The following MYRF variants were observed in gnomAD, a reference collection of about 807,000 sequenced individuals.
MYRF encodes myelin gene regulatory factor.
MYRF carries 16 observed loss-of-function variants against 126.3 expected under a neutral mutation model. The observed-to-expected ratio is 0.13, with a 90% CI of 0.09 to 0.19. MYRF has a LOEUF of 0.19. Among genes scored for constraint, MYRF ranks in the 10% least tolerant of loss-of-function variants. The pLI, the probability that MYRF is intolerant of heterozygous loss-of-function variation, is 1.00. For missense variants in MYRF, 1,104 were observed against 1,547.0 expected, an observed-to-expected ratio of 0.71 and a Z score of 4.80; for synonymous variants, 608 against 635.3, an observed-to-expected ratio of 0.96 and a Z score of 0.65.
In MYRF at chr11:61,775,936, T is replaced by C. The variant is rs118103571; in HGVS notation, c.1312-120T>C. ...GCTTGTGGGAATCGCGGCTGAGGGC[T>C]GGGTGCTGCCCTGTTTCCTGGTGAG... On this transcript the variant is annotated intron_variant, in intron 8 of 26. Coordinates refer to ENST00000278836, the MANE Select transcript of MYRF (RefSeq NM_001127392.3). The C allele has an allele frequency of 9.6e-4, 855 of 889,560 alleles. 4 individuals are homozygous for C. In the Middle Eastern group the frequency reaches 9.7e-3, roughly 10 times the overall value. The allele number at this position is 889,560 out of a possible 1,614,324, so 55.1% of individuals were successfully genotyped here.
At position 61,757,401 on chromosome 11, in the gene MYRF, C is replaced by T. The variant is rs1215879876; in HGVS notation, c.46+4611C>T. The stretch of plus-strand genomic sequence containing the variant: ...AGTGCAGTTGTAATGGCAGGGCCTC[C>T]GTCCCAGGGTTTCTGGGGTGATTAG... On this transcript the variant is annotated intron_variant, in intron 1 of 26. Coordinates refer to ENST00000278836, the MANE Select transcript of MYRF (RefSeq NM_001127392.3). This position sits in a 1 kb window ranked among gnomAD's most constrained non-coding sequence, Gnocchi z 4.7. 4 of 451,436 alleles carry T rather than the reference C, an allele frequency of 8.9e-6. No homozygotes were observed. In the Admixed American group the frequency reaches 9.4e-5, roughly 11 times the overall value. The allele number at this position is 451,436 out of a possible 1,614,324, so 28.0% of individuals were successfully genotyped here. A position where few individuals can be genotyped will look rare whatever the true frequency, so the allele number is the denominator to read the frequency against.
At chr11:61,771,003 AG>A (rs1427117736) in intron 5 of MYRF, among the ~76,000 whole-genome samples, 2 of 152,232 alleles carry the variant, frequency 1.3e-5, no homozygotes, top group Non-Finnish European at 2.9e-5. Flanking sequence ...TTTAGTTCAA[AG>A]GAAGGTTCTG....
chr11:61,784,353 CCA>C lies in MYRF; in HGVS notation c.3271_3272del (p.Gln1091GlufsTer24). On this transcript the variant is annotated frameshift_variant, in exon 25 of 27. Transcript: ENST00000278836. LOFTEE classifies it high-confidence loss of function. ...KEEPCEEGSLPQSLHTHQDTQ... is the reference protein window; with the variant it reads ...KEEPCEEGSLXQSLHTHQDTQ... ...GGAACCATGTGAGGAGGGGAGCCTT[CCA>C]CAGAGTCTCCACACCCACCAGGACA... The C allele has an allele frequency of 1.2e-6, 2 of 1,613,970 alleles. No individual in the cohort carries two copies. The highest frequency in any genetic ancestry group is 1.7e-6 in the Non-Finnish European group (2 of 1,180,004).
rs756413599 is a variant in MYRF, at chr11:61,781,557, C to G, written c.2765-16C>G. 4 of 1,610,478 alleles carry G rather than the reference C, an allele frequency of 2.5e-6. No individual in the cohort carries two copies. The East Asian group carries it at 6.7e-5, about 27-fold the overall frequency. On this transcript the variant is annotated splice_polypyrimidine_tract_variant and intron_variant, in intron 21 of 26. Transcript: ENST00000278836. Reference sequence around the variant, plus strand: ...CAGCTTCCAGCTTCTTAGCCTGTGCCTGGTTCTATCCACAGGCCCCAGCCA... The same window carrying G: ...CAGCTTCCAGCTTCTTAGCCTGTGCGTGGTTCTATCCACAGGCCCCAGCCA...
Position 61,781,032 on chromosome 11 carries a change from C to G in MYRF, c.2559C>G (p.Pro853=). The change falls in exon 20 of 27, where the codon CCC becomes CCG. Residue 853 remains proline, a synonymous_variant. Transcript: ENST00000278836. ...CCACGGGGCTACCAGGCATACAGCC[C>G]TCTTTGCTGCTGGGTGCGTGTCTGG... ...PLTTGLPGIQ[P]SLLLVTTSLT... 4.3e-6 allele frequency: 7 copies of G among 1,609,910 alleles called. No individual in the cohort carries two copies. Among genetic ancestry groups the G allele is most frequent in the Non-Finnish European group, 5.9e-6 (7 of 1,179,990 alleles).
chr11:61,764,182 G>A (rs545122255), intron 1 of MYRF, among the ~76,000 whole-genome samples: 2 of 152,266 alleles, frequency 1.3e-5, no homozygotes, highest in Admixed American at 1.3e-4. Context: ...GTGACTCCTA[G>A]GAGGGCTTAG....
At position 61,781,505 on chromosome 11, in the gene MYRF, C is replaced by A. The variant is rs925275398; in HGVS notation, c.2765-68C>A. ...TGGGGTTCACTCAGTCTTGTGGGGC[C>A]CTAGAGACAGCTGGACAGGAAGCAG... On this transcript the variant is annotated intron_variant, in intron 21 of 26. Coordinates refer to ENST00000278836, the MANE Select transcript of MYRF (RefSeq NM_001127392.3). 21 of 1,570,866 alleles carry A rather than the reference C, an allele frequency of 1.3e-5. No individual in the cohort carries two copies. The African/African-American group carries it at 2.8e-4, about 21-fold the overall frequency.
chr11:61,766,436 T>C lies in MYRF; in HGVS notation c.398+215T>C, dbSNP rs198467. ...AGGCAGTGGGCAGCCACAAAGCTTCTAAGCATGGGAGTGATGAGGGCTGAC... is the reference window on the plus strand; with the variant it reads ...AGGCAGTGGGCAGCCACAAAGCTTCCAAGCATGGGAGTGATGAGGGCTGAC... On this transcript the variant is annotated intron_variant, in intron 3 of 26. Coordinates refer to ENST00000278836, the MANE Select transcript of MYRF (RefSeq NM_001127392.3). 0.36 allele frequency: 188,553 copies of C among 520,668 alleles called. 39,769 individuals carry two copies. The highest frequency in any genetic ancestry group is 0.46 in the Middle Eastern group (925 of 2,012). The allele number at this position is 520,668 out of a possible 1,614,324, so 32.3% of individuals were successfully genotyped here. A position where few individuals can be genotyped will look rare whatever the true frequency, so the allele number is the denominator to read the frequency against.
rs1466069867 is a variant in MYRF, at chr11:61,783,219, G to A, written c.3017-279G>A. Reference sequence around the variant, plus strand: ...GCAGTCAGGAACACAGGCCTCGAGCGGGCTCCTGCACACCTGGCAGGGGAT... The same window carrying A: ...GCAGTCAGGAACACAGGCCTCGAGCAGGCTCCTGCACACCTGGCAGGGGAT... On this transcript the variant is annotated intron_variant, in intron 22 of 26. Coordinates refer to ENST00000278836, the MANE Select transcript of MYRF (RefSeq NM_001127392.3). The surrounding 1 kb of genome is among the most constrained non-coding windows in gnomAD (Gnocchi z 4.6). 2.2e-5 allele frequency: 7 copies of A among 317,312 alleles called. No individual in the cohort carries two copies. Among genetic ancestry groups the A allele is most frequent in the South Asian group, 1.1e-4 (2 of 17,674 alleles). The allele number at this position is 317,312 out of a possible 1,614,324, so 19.7% of individuals were successfully genotyped here.
Position 61,785,738 on chromosome 11 carries a change from G to T in MYRF, c.3301-62G>T. The stretch of plus-strand genomic sequence containing the variant: ...ACCCCAGGACTGCGACGGCCGTGGT[G>T]AGAGATGCTGGTTGGGATAAGGGCA... On this transcript the variant is annotated intron_variant, in intron 25 of 26. Coordinates refer to ENST00000278836, the MANE Select transcript of MYRF (RefSeq NM_001127392.3). The T allele has an allele frequency of 2.8e-6, 4 of 1,420,972 alleles. No individual in the cohort carries two copies. The South Asian group carries it at 3.5e-5, about 12-fold the overall frequency. 88.0% of individuals were successfully genotyped at this position (1,420,972 alleles called of 1,614,324 possible).
intron 5 of MYRF, 130 bp from the exon 6 acceptor site, chr11:61,771,370 G>T (rs2135788800): frequency 7.8e-7 from 1 of 1,277,180 alleles, no homozygotes; most frequent in Non-Finnish European, 1.1e-6. Flanking sequence ...AGGGCTTCCT[G>T]AAGGAGGTGT....
In MYRF at chr11:61,770,262, C is replaced by T. The variant is rs1413626792; in HGVS notation, c.477C>T (p.Arg159=). ...PQQVNEPHLL[R]TITPETLCHV... The stretch of plus-strand genomic sequence containing the variant: ...CTCCTGCAGAGCCCCACCTCCTGCG[C>T]ACGATAACCCCTGAGACACTGTGCC... Residue 159 remains arginine, a synonymous_variant, in exon 5 of 27, where the codon CGC becomes CGT. Coordinates refer to ENST00000278836, the MANE Select transcript of MYRF (RefSeq NM_001127392.3). The T allele has an allele frequency of 1.9e-6, 3 of 1,608,128 alleles. No homozygotes were observed. The highest frequency in any genetic ancestry group is 2.5e-6 in the Non-Finnish European group (3 of 1,178,642).
chr11:61,773,753 G>A (rs1040140375), intron 7 of MYRF, among the ~76,000 whole-genome samples: 1 of 152,218 alleles, frequency 6.6e-6, no homozygotes, highest in Non-Finnish European at 1.5e-5. Flanking sequence ...ATGGGGTATA[G>A]GAGAGAATGT....
intron 17 of MYRF, 26 bp downstream of exon 17, chr11:61,779,956 G>T (rs1327290995): frequency 3.8e-6 from 6 of 1,598,704 alleles, no homozygotes; most frequent in Non-Finnish European, 1.7e-6. Flanking sequence ...GGCTCTCATG[G>T]TGGCTGACTA....
chr11:61,779,953 A>C, intron 17 of MYRF, 23 bp downstream of exon 17: 1 of 1,603,010 alleles, frequency 6.2e-7, no homozygotes, highest in Non-Finnish European at 8.5e-7. Context: ...CTGGGCTCTC[A>C]TGGTGGCTGA....
intron 3 of MYRF, chr11:61,768,447 C>T (rs1406383508): frequency 6.6e-6 from 1 of 152,274 alleles, no homozygotes; most frequent in African/African-American, 2.4e-5. Flanking sequence ...ATCATTCACA[C>T]AAAACCTGCA....
At chr11:61,760,068 A>C (rs2065861776) in intron 1 of MYRF, among the ~76,000 whole-genome samples, 1 of 151,676 alleles carries the variant, frequency 6.6e-6, no homozygotes, top group Admixed American at 6.6e-5. Flanking sequence ...TCCCGGTTTC[A>C]AGTGATTCTC....
At chr11:61,756,454 A>G (rs1464509157) in intron 1 of MYRF, among the ~76,000 whole-genome samples, 1 of 151,970 alleles carries the variant, frequency 6.6e-6, no homozygotes, top group East Asian at 1.9e-4. Context: ...TGGGGGTGGC[A>G]CTGTGGCCCG....
Position 61,765,619 on chromosome 11 carries a change from C to T in MYRF, c.47-6C>T. The T allele has an allele frequency of 6.2e-7, 1 of 1,611,190 alleles. No individual in the cohort carries two copies. The highest frequency in any genetic ancestry group is 8.5e-7 in the Non-Finnish European group (1 of 1,179,104). ...TCTTCCCTAGCCCATCTCTCCTGCC[C>T]TGCAGGCCACGACATCAACGGTGCC... On this transcript the variant is annotated splice_region_variant and splice_polypyrimidine_tract_variant and intron_variant, in intron 1 of 26. Transcript: ENST00000278836.
Sources: gnomAD v4.1 joint callset for allele counts (sites outside exome capture counted in the v4.1 genomes callset) on GRCh38, gnomAD v4.1.1 for gene constraint, Gnocchi (gnomAD v3.1) non-coding constraint, MANE v1.5 for transcripts, NCBI Gene and HGNC (gene_info 2026-07-23, HGNC 2026-07-21) for gene names.